The following FHIT variants were observed in gnomAD, a reference collection of about 807,000 sequenced individuals.
The protein encoded by FHIT is fragile histidine triad diadenosine triphosphatase.
Under a neutral mutation model 17.9 loss-of-function variants are expected in FHIT, and 19 were observed. The ratio of observed to expected loss-of-function variants is 1.06; its 90% CI spans 0.74 to 1.56. FHIT has a LOEUF of 1.56. FHIT is among the 40% of genes most tolerant of loss of function. The probability of loss-of-function intolerance (pLI) is 0.00; values close to 1 mark genes in which losing one functional copy is unlikely to be tolerated. For synonymous variants in FHIT, 81 were observed against 69.7 expected (o/e 1.16, Z -0.81); for missense variants, 248 against 189.2 (o/e 1.31, Z -1.82).
intron 5 of FHIT, among the ~76,000 whole-genome samples, chr3:60,226,183 G>T (rs1385614318): frequency 6.6e-6 from 1 of 151,904 alleles, no homozygotes; most frequent in African/African-American, 2.4e-5. Context: ...CAATTAAAAA[G>T]CACTGTTGGC....
chr3:59,803,950 C>T (rs1393641840), intron 8 of FHIT, among the ~76,000 whole-genome samples: 1 of 152,136 alleles, frequency 6.6e-6, no homozygotes, highest in African/African-American at 2.4e-5. Flanking sequence ...CCATTACTTT[C>T]AATGGCAAAA....
At chr3:61,225,875 C>G (rs2039959074) in intron 1 of FHIT, among the ~76,000 whole-genome samples, 1 of 152,176 alleles carries the variant, frequency 6.6e-6, no homozygotes, top group Non-Finnish European at 1.5e-5. Context: ...CAATGTCTAT[C>G]TACAGAACCA....
At chr3:60,333,174 T>C (rs1710070042) in intron 5 of FHIT, among the ~76,000 whole-genome samples, 1 of 152,220 alleles carries the variant, frequency 6.6e-6, no homozygotes, top group African/African-American at 2.4e-5. Flanking sequence ...ATTGCTTCTG[T>C]TATCCAATGC....
rs1459158330 is a variant in FHIT, at chr3:60,279,474, A to G, written c.103+257386T>C. Among the ~76,000 whole-genome samples the G allele has an allele frequency of 2.0e-5, 3 of 152,312 alleles. No individual in the cohort carries two copies. In the East Asian group the frequency reaches 5.8e-4, roughly 29 times the overall value. On this transcript the variant is annotated intron_variant, in intron 5 of 9. Coordinates refer to ENST00000492590, the MANE Select transcript of FHIT (RefSeq NM_002012.4). Reference sequence around the variant, plus strand: ...GACAATTTAACTGATGAATTCTATCAAATATTTAAGCACAAAATGATAGCA... The same window carrying G: ...GACAATTTAACTGATGAATTCTATCGAATATTTAAGCACAAAATGATAGCA...
At chr3:60,372,580 A>G (rs1041799613) in intron 5 of FHIT, among the ~76,000 whole-genome samples, 5 of 152,208 alleles carry the variant, frequency 3.3e-5, no homozygotes, top group Non-Finnish European at 7.3e-5. Context: ...TCATGAGTAC[A>G]AGTTCGGGCC....
chr3:60,923,542 G>C (rs1235288539), intron 3 of FHIT, among the ~76,000 whole-genome samples: 1 of 152,156 alleles, frequency 6.6e-6, no homozygotes, highest in Non-Finnish European at 1.5e-5. Context: ...TCCTAAAAGA[G>C]TCTGGTAATT....
chr3:59,780,249 G>A (rs1702517092), intron 8 of FHIT, among the ~76,000 whole-genome samples: 1 of 152,200 alleles, frequency 6.6e-6, no homozygotes, highest in South Asian at 2.1e-4. Flanking sequence ...TGTAGGTAAA[G>A]TTCCAGCTCA....
At chr3:60,165,805 C>A (rs76581564) in intron 5 of FHIT, among the ~76,000 whole-genome samples, 2 of 152,074 alleles carry the variant, frequency 1.3e-5, no homozygotes, top group Admixed American at 6.5e-5. Flanking sequence ...AAGAGTATAA[C>A]GGGAAAAATA....
intron 8 of FHIT, among the ~76,000 whole-genome samples, chr3:59,806,042 G>A (rs1259394314): frequency 6.6e-6 from 1 of 152,050 alleles, no homozygotes; most frequent in African/African-American, 2.4e-5. Flanking sequence ...TTAGCCGGGT[G>A]TGGTGGCGGG....
At chr3:60,559,354 G>T (rs776200798) in intron 4 of FHIT, among the ~76,000 whole-genome samples, 2 of 152,178 alleles carry the variant, frequency 1.3e-5, no homozygotes, top group Non-Finnish European at 2.9e-5. Flanking sequence ...CACAAAAGAT[G>T]TGTCAGTGTC....
At chr3:60,977,714 A>G (rs1035160985) in intron 3 of FHIT, among the ~76,000 whole-genome samples, 1 of 152,058 alleles carries the variant, frequency 6.6e-6, no homozygotes, top group Non-Finnish European at 1.5e-5. Context: ...TCTACTAAAA[A>G]TACAAAATTA....
chr3:60,550,630 A>G (rs1206958731), intron 4 of FHIT, among the ~76,000 whole-genome samples: 1 of 149,286 alleles, frequency 6.7e-6, no homozygotes, highest in African/African-American at 2.5e-5. Context: ...TTTTTTGTAA[A>G]CCTACTTGTT....
intron 5 of FHIT, among the ~76,000 whole-genome samples, chr3:60,226,645 G>A (rs1219531468): frequency 6.6e-6 from 1 of 152,056 alleles, no homozygotes; most frequent in African/African-American, 2.4e-5. Context: ...AAGCATGGAG[G>A]GAAAACAACA....
At chr3:60,243,132 C>T (rs755599469) in intron 5 of FHIT, among the ~76,000 whole-genome samples, 4 of 151,540 alleles carry the variant, frequency 2.6e-5, no homozygotes, top group East Asian at 1.9e-4. Context: ...ATGGATTGTT[C>T]GCCTTTGGGA....
chr3:59,992,807 C>T lies in FHIT; in HGVS notation c.279+18564G>A, dbSNP rs558224926. ...AACAGAGAGAACACGTGAAAGTCACCATCACACCCTCGCAACAGTGTCAGT... is the reference window on the plus strand; with the variant it reads ...AACAGAGAGAACACGTGAAAGTCACTATCACACCCTCGCAACAGTGTCAGT... On this transcript the variant is annotated intron_variant, in intron 7 of 9. Coordinates refer to ENST00000492590, the MANE Select transcript of FHIT (RefSeq NM_002012.4). Among the ~76,000 whole-genome samples the T allele has an allele frequency of 5.9e-5, 9 of 152,092 alleles. No individual in the cohort carries two copies. The South Asian group carries it at 1.9e-3, about 32-fold the overall frequency.
chr3:60,890,946 C>T (rs1054546848), intron 3 of FHIT, among the ~76,000 whole-genome samples: 1 of 152,188 alleles, frequency 6.6e-6, no homozygotes, highest in African/African-American at 2.4e-5. Flanking sequence ...CTCCACACAT[C>T]AATGGCATGA....
At chr3:59,987,556 C>T (rs1709040670) in intron 7 of FHIT, among the ~76,000 whole-genome samples, 1 of 152,002 alleles carries the variant, frequency 6.6e-6, no homozygotes, top group African/African-American at 2.4e-5. Context: ...TATTAAGACA[C>T]AGCATCACCC....
chr3:60,350,891 G>C (rs1711049828), intron 5 of FHIT, among the ~76,000 whole-genome samples: 1 of 152,168 alleles, frequency 6.6e-6, no homozygotes. Context: ...CATCTTGCTA[G>C]CAAACTCACT....
At chr3:60,027,484 T>A (rs1700800039) in intron 5 of FHIT, among the ~76,000 whole-genome samples, 1 of 152,162 alleles carries the variant, frequency 6.6e-6, no homozygotes, top group Non-Finnish European at 1.5e-5. Flanking sequence ...CCATTGTCAC[T>A]GTCTTTACCA....
Sources: gnomAD v4.1 joint callset for allele counts (sites outside exome capture counted in the v4.1 genomes callset) on GRCh38, gnomAD v4.1.1 for gene constraint, MANE v1.5 for transcripts, NCBI Gene and HGNC (gene_info 2026-07-23, HGNC 2026-07-21) for gene names.